Variants in KCNQ1OT1 observed in about 807,000 individuals in gnomAD.
KCNQ1OT1 encodes the protein KCNQ1 antisense RNA 2 (non-protein coding).
In KCNQ1OT1 at chr11:2,611,340, A is replaced by T; in HGVS notation, n.88655T>A. 1 of 397,040 alleles carries T rather than the reference A, an allele frequency of 2.5e-6. No individual in the cohort carries two copies. The highest frequency in any genetic ancestry group is 4.4e-6 in the Non-Finnish European group (1 of 225,678). 24.6% of individuals were successfully genotyped at this position (397,040 alleles called of 1,614,324 possible). ...ATTCAAGCCGTTCTCTTGCCTCAGC[A>T]TCCCAAGTAGCTGGGACTACAGGCA... On this transcript the variant is annotated non_coding_transcript_exon_variant, in exon 1 of 1. Coordinates refer to ENST00000597346, the Ensembl canonical transcript of KCNQ1OT1. The surrounding 1 kb of genome is among the most constrained non-coding windows in gnomAD (Gnocchi z 5.3).
rs1318156618 is a variant in KCNQ1OT1, at chr11:2,673,097, T to G, written n.26898A>C. ...AGGCCACAGTAGGCCTTCACGGTAC[T>G]CAGCAGGAGACCCCAGCAGGCAGCA... is the stretch of plus-strand genomic sequence containing the variant. On this transcript the variant is annotated non_coding_transcript_exon_variant, in exon 1 of 1. Transcript: ENST00000597346. The surrounding 1 kb of genome is among the most constrained non-coding windows in gnomAD (Gnocchi z 4.5). 1 of 398,738 alleles carries G rather than the reference T, an allele frequency of 2.5e-6. No homozygotes were observed. Among genetic ancestry groups the G allele is most frequent in the African/African-American group, 2.1e-5 (1 of 48,624 alleles). 24.7% of individuals were successfully genotyped at this position (398,738 alleles called of 1,614,324 possible). A position where few individuals can be genotyped will look rare whatever the true frequency, so the allele number is the denominator to read the frequency against.
rs1589989354 is a variant in KCNQ1OT1 at position 2,626,172 on chromosome 11, T to A, written n.73823A>T. The A allele has an allele frequency of 7.5e-6, 3 of 398,484 alleles. No individual in the cohort carries two copies. The highest frequency in any genetic ancestry group is 1.3e-5 in the Non-Finnish European group (3 of 226,052). 24.7% of individuals were successfully genotyped at this position (398,484 alleles called of 1,614,324 possible). A position where few individuals can be genotyped will look rare whatever the true frequency, so the allele number is the denominator to read the frequency against. ...TGTAAAGTTTTTCCCCTATGTTTCC[T>A]TATAAGACTTCATAGTTTTAGGACT... On this transcript the variant is annotated non_coding_transcript_exon_variant, in exon 1 of 1. Transcript: ENST00000597346. The surrounding 1 kb of genome is among the most constrained non-coding windows in gnomAD (Gnocchi z 4.0).
Position 2,671,102 on chromosome 11 carries a change from CTGAGCAGTTAGTCTG to C in KCNQ1OT1, n.28878_28892del. 7.9e-6 allele frequency: 1 copy of C among 126,472 alleles called. No homozygotes were observed. The highest frequency in any genetic ancestry group is 1.1e-5 in the Non-Finnish European group (1 of 87,484). The allele number at this position is 126,472 out of a possible 1,614,324, so 7.8% of individuals were successfully genotyped here. A position where few individuals can be genotyped will look rare whatever the true frequency, so the allele number is the denominator to read the frequency against. ...AGCAGGAGGAAGTCTGGCAGTTAGT[CTGAGCAGTTAGTCTG>C]TCAGGCCTGGTTGGTCCCATGGGAG... On this transcript the variant is annotated non_coding_transcript_exon_variant, in exon 1 of 1. Transcript: ENST00000597346. The surrounding 1 kb of genome is among the most constrained non-coding windows in gnomAD (Gnocchi z 4.7).
exon 1 of KCNQ1OT1, chr11:2,609,085 T>C (rs1004284372): frequency 2.5e-6 from 1 of 398,402 alleles, no homozygotes. Flanking sequence ...TTTAGTTTGC[T>C]CTTCTTTTTC....
In KCNQ1OT1 at chr11:2,622,443, C is replaced by A. The variant is rs564574463; in HGVS notation, n.77552G>T. On this transcript the variant is annotated non_coding_transcript_exon_variant, in exon 1 of 1. Transcript: ENST00000597346. ...CTTTCAATCTACTTGTGTCTTTAGA[C>A]CAAAAGTGAGTTTGTTATATACAGC... The A allele has an allele frequency of 3.2e-4, 129 of 398,308 alleles. 3 individuals carry two copies. The South Asian group carries it at 9.7e-3, about 30-fold the overall frequency. 24.7% of individuals were successfully genotyped at this position (398,308 alleles called of 1,614,324 possible).
At chr11:2,686,150 T>C in exon 1 of KCNQ1OT1, 1 of 398,906 alleles carries the variant, frequency 2.5e-6, no homozygotes, top group Non-Finnish European at 4.4e-6. Flanking sequence ...TTCTGGGGTT[T>C]GCTTCGCCTT....
rs56087897 is a variant in KCNQ1OT1, at chr11:2,660,638, T to C, written n.39357A>G. On this transcript the variant is annotated non_coding_transcript_exon_variant, in exon 1 of 1. Coordinates refer to ENST00000597346, the Ensembl canonical transcript of KCNQ1OT1. ...GCCCATAAAAGGTATTCAACACAGA[T>C]GGAAATAACAGCAATGCCTCAGTTT... 499 of 398,594 alleles carry C rather than the reference T, an allele frequency of 1.3e-3. 4 individuals carry two copies. The highest frequency in any genetic ancestry group is 9.3e-3 in the African/African-American group (452 of 48,740). 24.7% of individuals were successfully genotyped at this position (398,594 alleles called of 1,614,324 possible).
chr11:2,621,317 GT>G lies in KCNQ1OT1; in HGVS notation n.78677del. On this transcript the variant is annotated non_coding_transcript_exon_variant, in exon 1 of 1. Coordinates refer to ENST00000597346, the Ensembl canonical transcript of KCNQ1OT1. The surrounding 1 kb of genome is among the most constrained non-coding windows in gnomAD (Gnocchi z 5.7). The stretch of plus-strand genomic sequence containing the variant: ...TCTGATTATTAGTGATCATGAGAAT[GT>G]TTTTTTGTTTGGCTACTTCTGTATT... The G allele has an allele frequency of 5.0e-6, 2 of 398,436 alleles. No individual in the cohort carries two copies. Among genetic ancestry groups the G allele is most frequent in the Non-Finnish European group, 8.8e-6 (2 of 226,008 alleles). 24.7% of individuals were successfully genotyped at this position (398,436 alleles called of 1,614,324 possible). A position where few individuals can be genotyped will look rare whatever the true frequency, so the allele number is the denominator to read the frequency against.
exon 1 of KCNQ1OT1, chr11:2,688,127 G>A (rs1850523205): frequency 7.5e-6 from 3 of 398,742 alleles, no homozygotes; most frequent in Non-Finnish European, 4.4e-6. Context: ...TGGGGATACA[G>A]GCTGAGGTGG....
At chr11:2,644,548 A>T in exon 1 of KCNQ1OT1, 2 of 398,348 alleles carry the variant, frequency 5.0e-6, no homozygotes, top group Non-Finnish European at 8.8e-6. Flanking sequence ...TCAAGGTTTC[A>T]TCAATTTCTT....
Position 2,679,465 on chromosome 11 carries a change from T to G in KCNQ1OT1, n.20530A>C. The G allele has an allele frequency of 2.5e-6, 1 of 398,608 alleles. No individual in the cohort carries two copies. The highest frequency in any genetic ancestry group is 4.4e-6 in the Non-Finnish European group (1 of 226,062). 24.7% of individuals were successfully genotyped at this position (398,608 alleles called of 1,614,324 possible). On this transcript the variant is annotated non_coding_transcript_exon_variant, in exon 1 of 1. Coordinates refer to ENST00000597346, the Ensembl canonical transcript of KCNQ1OT1. The surrounding 1 kb of genome is among the most constrained non-coding windows in gnomAD (Gnocchi z 4.8). ...GATTACACAAATTAATAATATAAAGTATGCAGAAAAGTGCCTGTCCTATAG... is the reference window on the plus strand; with the variant it reads ...GATTACACAAATTAATAATATAAAGGATGCAGAAAAGTGCCTGTCCTATAG...
chr11:2,625,005 T>C (rs985124340), exon 1 of KCNQ1OT1: 3 of 398,508 alleles, frequency 7.5e-6, no homozygotes, highest in African/African-American at 4.1e-5. Context: ...TTGGGTTGCA[T>C]TGATGTTTTA....
chr11:2,622,178 A>G (rs1849184607), exon 1 of KCNQ1OT1: 1 of 398,206 alleles, frequency 2.5e-6, no homozygotes. Context: ...TTATTGTAGA[A>G]CTGTCTTTCT....
Position 2,652,641 on chromosome 11 carries a change from T to A in KCNQ1OT1, n.47354A>T. 2.5e-6 allele frequency: 1 copy of A among 398,686 alleles called. No individual in the cohort carries two copies. The highest frequency in any genetic ancestry group is 4.4e-6 in the Non-Finnish European group (1 of 226,154). 24.7% of individuals were successfully genotyped at this position (398,686 alleles called of 1,614,324 possible). ...GTCTTGGGAGACCTAGACAGTGACT[T>A]CCTGCAGCATGGAGACCCGGGTGGG... On this transcript the variant is annotated non_coding_transcript_exon_variant, in exon 1 of 1. Transcript: ENST00000597346. The surrounding 1 kb of genome is among the most constrained non-coding windows in gnomAD (Gnocchi z 5.9).
chr11:2,619,394 T>C (rs1400981227), exon 1 of KCNQ1OT1: 20 of 398,474 alleles, frequency 5.0e-5, no homozygotes, highest in Non-Finnish European at 3.5e-5. Flanking sequence ...GATGTTCAAC[T>C]TCATCAAATA....
At position 2,673,891 on chromosome 11, in the gene KCNQ1OT1, G is replaced by C. The variant is rs1850235332; in HGVS notation, n.26104C>G. 2 of 398,098 alleles carry C rather than the reference G, an allele frequency of 5.0e-6. No individual in the cohort carries two copies. The highest frequency in any genetic ancestry group is 2.1e-5 in the African/African-American group (1 of 48,502). The allele number at this position is 398,098 out of a possible 1,614,324, so 24.7% of individuals were successfully genotyped here. A position where few individuals can be genotyped will look rare whatever the true frequency, so the allele number is the denominator to read the frequency against. On this transcript the variant is annotated non_coding_transcript_exon_variant, in exon 1 of 1. Coordinates refer to ENST00000597346, the Ensembl canonical transcript of KCNQ1OT1. The surrounding 1 kb of genome is among the most constrained non-coding windows in gnomAD (Gnocchi z 4.5). The stretch of plus-strand genomic sequence containing the variant: ...CTTCCTGAAAGCAGGCACAGGAAGG[G>C]ATGGGAGCTCAGCTCACCGGGTGCT...
exon 1 of KCNQ1OT1, chr11:2,688,901 G>T: frequency 2.5e-6 from 1 of 399,060 alleles, no homozygotes; most frequent in Non-Finnish European, 4.4e-6. Context: ...CTGAGGTGGG[G>T]CTAGGGCCAC....
At chr11:2,694,219 G>A (rs1045253442) in exon 1 of KCNQ1OT1, 1 of 398,584 alleles carries the variant, frequency 2.5e-6, no homozygotes, top group African/African-American at 2.1e-5. Flanking sequence ...GAGGCTATAG[G>A]TGTTAGATGT....
At chr11:2,697,952 A>G (rs1418096300) in exon 1 of KCNQ1OT1, 2 of 398,676 alleles carry the variant, frequency 5.0e-6, no homozygotes, top group Non-Finnish European at 8.8e-6. Flanking sequence ...ACATTAAAAT[A>G]CACCCATAAT....
Sources: gnomAD v4.1 joint callset for allele counts on GRCh38, gnomAD v4.1.1 for gene constraint, Gnocchi (gnomAD v3.1) non-coding constraint, MANE v1.5 for transcripts, NCBI Gene and HGNC (gene_info 2026-07-23, HGNC 2026-07-21) for gene names.